The following RAP1GAP variants were observed in gnomAD, a reference collection of about 807,000 sequenced individuals.
RAP1GAP encodes RAP1 GTPase activating protein, also known as rap1 GTPase-activating protein 1.
A neutral mutation model predicts 87.2 loss-of-function variants in RAP1GAP; 35 were observed. The observed-to-expected ratio is 0.40, with a 90% CI of 0.31 to 0.53. RAP1GAP has a LOEUF of 0.53. RAP1GAP is among the 20% of genes least tolerant of loss of function. The probability of loss-of-function intolerance (pLI) is 0.48; values close to 1 mark genes in which losing one functional copy is unlikely to be tolerated. For missense variants in RAP1GAP, 734 were observed against 898.9 expected (o/e 0.82, Z 2.35); for synonymous variants, 375 against 363.9 (o/e 1.03, Z -0.35).
intron 18 of RAP1GAP, among the ~76,000 whole-genome samples, chr1:21,605,053 G>A (rs2073377639): frequency 6.9e-6 from 1 of 145,880 alleles, no homozygotes; most frequent in Non-Finnish European, 1.5e-5. Context: ...GGATGGATGG[G>A]TGGGTGGATG....
chr1:21,640,450 AATGAATGTGT>A (rs2095415297), intron 2 of RAP1GAP, among the ~76,000 whole-genome samples: 1 of 152,232 alleles, frequency 6.6e-6, no homozygotes, highest in African/African-American at 2.4e-5. Flanking sequence ...CTGCTGCATG[AATGAATGTGT>A]ATGTCTGTGC....
intron 11 of RAP1GAP, 80 bp downstream of exon 11, chr1:21,611,946 G>A (rs926226710): frequency 6.0e-5 from 88 of 1,478,142 alleles, no homozygotes; most frequent in Admixed American, 4.6e-4. Flanking sequence ...TCCCTTGGCC[G>A]GTGTGCTGCC....
chr1:21,650,883 G>C (rs2096516547), intron 1 of RAP1GAP, among the ~76,000 whole-genome samples: 1 of 152,090 alleles, frequency 6.6e-6, no homozygotes, highest in African/African-American at 2.4e-5. Flanking sequence ...CAAGGGGAAG[G>C]CAGCTTGGAC....
At chr1:21,601,141 C>T (rs1238239934) in intron 20 of RAP1GAP, among the ~76,000 whole-genome samples, 1 of 151,958 alleles carries the variant, frequency 6.6e-6, no homozygotes, top group African/African-American at 2.4e-5. Context: ...AAATCATCCT[C>T]CTGCTTCAGC....
intron 4 of RAP1GAP, 70 bp from the exon 5 acceptor site, chr1:21,619,142 C>T (rs185041956): frequency 6.7e-6 from 10 of 1,488,334 alleles, no homozygotes; most frequent in South Asian, 3.6e-5. Flanking sequence ...CTCCCCAAGG[C>T]GTGCAAGGGG....
chr1:21,648,051 C>G (rs2096239719), intron 2 of RAP1GAP, among the ~76,000 whole-genome samples: 1 of 152,188 alleles, frequency 6.6e-6, no homozygotes, highest in Non-Finnish European at 1.5e-5. Context: ...TGGAGTTAAG[C>G]GATGGCCTTT....
At chr1:21,651,280 C>A in intron 1 of RAP1GAP, 1 of 395,754 alleles carries the variant, frequency 2.5e-6, no homozygotes, top group Non-Finnish European at 5.1e-6. Context: ...CTGCTAAGGG[C>A]TTCTAGAGTC....
At chr1:21,617,843 G>T in intron 6 of RAP1GAP, 91 bp downstream of exon 6, 2 of 1,550,338 alleles carry the variant, frequency 1.3e-6, no homozygotes, top group Non-Finnish European at 1.8e-6. Flanking sequence ...TGCAGGTCAG[G>T]CTCCTAAGGA....
At position 21,611,512 on chromosome 1, in the gene RAP1GAP, G is replaced by T. The variant is rs1185718892; in HGVS notation, c.783C>A (p.Asn261Lys). The change falls in exon 13 of 25, where the codon AAC becomes AAA. Residue 261 changes from asparagine to lysine, a missense_variant. This residue lies in a region of RAP1GAP where 485 missense variants were observed against 646.2 expected (regional missense o/e 0.75). Coordinates refer to ENST00000374765, the MANE Select transcript of RAP1GAP (RefSeq NM_002885.4). ...TGGACACGTGAAACATGATCTCCTTGTTGCGGAAGTTGCAGTACACAGATT... is the reference window on the plus strand; with the variant it reads ...TGGACACGTGAAACATGATCTCCTTTTTGCGGAAGTTGCAGTACACAGATT... ...GTESVYCNFR[N>K]KEIMFHVSTK... is the part of the protein sequence containing the mutation. 1.3e-5 allele frequency: 21 copies of T among 1,614,210 alleles called. No homozygotes were observed. Among genetic ancestry groups the T allele is most frequent in the Non-Finnish European group, 1.6e-5 (19 of 1,180,044 alleles).
At chr1:21,607,451 G>A (rs2075414188) in intron 17 of RAP1GAP, among the ~76,000 whole-genome samples, 2 of 152,164 alleles carry the variant, frequency 1.3e-5, no homozygotes, top group Non-Finnish European at 2.9e-5. Flanking sequence ...AATTTGAAGT[G>A]TCCGTGCTCT....
intron 1 of RAP1GAP, among the ~76,000 whole-genome samples, chr1:21,653,466 G>A (rs997217050): frequency 6.6e-6 from 1 of 152,064 alleles, no homozygotes; most frequent in African/African-American, 2.4e-5. Context: ...GTAGAGTCCT[G>A]GGGGGAGGAA....
At chr1:21,629,830 A>C (rs2093351482) in intron 2 of RAP1GAP, among the ~76,000 whole-genome samples, 1 of 152,236 alleles carries the variant, frequency 6.6e-6, no homozygotes, top group Non-Finnish European at 1.5e-5. Context: ...CCAAGCTCAC[A>C]CAGGCAATGA....
chr1:21,610,512 C>T (rs2077574948), intron 13 of RAP1GAP, among the ~76,000 whole-genome samples: 1 of 152,194 alleles, frequency 6.6e-6, no homozygotes, highest in Admixed American at 6.5e-5. Flanking sequence ...CCAGACCTCA[C>T]CACTATTCAA....
intron 1 of RAP1GAP, chr1:21,651,309 C>T (rs2096541322): frequency 4.7e-6 from 2 of 423,528 alleles, no homozygotes; most frequent in Admixed American, 4.9e-5. Flanking sequence ...CAGAGCGTCA[C>T]TGAGGGGCCC....
At chr1:21,651,601 C>T (rs1214109240) in intron 1 of RAP1GAP, 2 of 708,110 alleles carry the variant, frequency 2.8e-6, no homozygotes, top group Non-Finnish European at 5.2e-6. Flanking sequence ...GAAACACACA[C>T]ACACAGGCGC....
intron 17 of RAP1GAP, 25 bp downstream of exon 17, chr1:21,608,188 G>A (rs1172175790): frequency 2.5e-6 from 4 of 1,611,450 alleles, no homozygotes; most frequent in Middle Eastern, 3.3e-4. Flanking sequence ...CTGCTCCCCG[G>A]CCAGTTAGAC....
rs1409855518 is a variant in RAP1GAP, at chr1:21,668,835, G to A, written c.-149+419C>T. On this transcript the variant is annotated intron_variant, in intron 1 of 24. Coordinates refer to ENST00000374765, the MANE Select transcript of RAP1GAP (RefSeq NM_002885.4). This position sits in a 1 kb window ranked among gnomAD's most constrained non-coding sequence, Gnocchi z 6.2. Reference sequence around the variant, plus strand: ...CTGAGGACAGGAGCGCCACCCTCTGGGGGGCGCTAGGGCTTGGGCCCCTCC... The same window carrying A: ...CTGAGGACAGGAGCGCCACCCTCTGAGGGGCGCTAGGGCTTGGGCCCCTCC... 2.6e-5 allele frequency among the ~76,000 whole-genome samples: 4 copies of A among 151,764 alleles called. No homozygotes were observed. The highest frequency in any genetic ancestry group is 5.9e-5 in the Non-Finnish European group (4 of 67,900).
At chr1:21,607,606 T>C (rs1293145797) in intron 17 of RAP1GAP, among the ~76,000 whole-genome samples, 1 of 152,122 alleles carries the variant, frequency 6.6e-6, no homozygotes, top group African/African-American at 2.4e-5. Flanking sequence ...CTCTTCCTGC[T>C]GACCTAGCAG....
Position 21,609,981 on chromosome 1 carries a change from T to G in RAP1GAP, c.999+139A>C, listed in dbSNP as rs1172270757. 4.6e-6 allele frequency: 5 copies of G among 1,090,574 alleles called. No homozygotes were observed. The highest frequency in any genetic ancestry group is 6.4e-6 in the Non-Finnish European group (5 of 778,466). The allele number at this position is 1,090,574 out of a possible 1,614,324, so 67.6% of individuals were successfully genotyped here. On this transcript the variant is annotated intron_variant, in intron 14 of 24. Transcript: ENST00000374765. This position sits in a 1 kb window ranked among gnomAD's most constrained non-coding sequence, Gnocchi z 4.4. Reference sequence around the variant, plus strand: ...TTTGGGGACGACAGGGGGCGTGGTGTGAACAGTGCACCATTGAAGCCTTCC... The same window carrying G: ...TTTGGGGACGACAGGGGGCGTGGTGGGAACAGTGCACCATTGAAGCCTTCC...
Sources: allele counts gnomAD v4.1 joint callset (sites outside exome capture counted in the v4.1 genomes callset), GRCh38; gene constraint gnomAD v4.1.1; regional missense constraint gnomAD v4.1.1; non-coding constraint Gnocchi (gnomAD v3.1); transcripts MANE v1.5; gene names NCBI Gene and HGNC (gene_info 2026-07-23, HGNC 2026-07-21).